The following ENOX1 variants were observed in gnomAD, a reference collection of about 807,000 sequenced individuals.
ENOX1 encodes ecto-NOX disulfide-thiol exchanger 1, also known as candidate growth-related and time keeping constitutive hydroquinone (NADH) oxidase.
A neutral mutation model predicts 82.5 loss-of-function variants in ENOX1; 42 were observed. The ratio of observed to expected loss-of-function variants is 0.51; its 90% confidence interval spans 0.40 to 0.66. The LOEUF (loss-of-function observed/expected upper bound fraction) is 0.66. ENOX1 is among the 30% of genes least tolerant of loss of function. The pLI is 0.00. For missense variants in ENOX1, 608 were observed against 811.6 expected (o/e 0.75, Z 3.05); for synonymous variants, 271 against 282.2 (o/e 0.96, Z 0.40).
chr13:43,737,810 T>C (rs921210076), intron 1 of ENOX1, among the ~76,000 whole-genome samples: 1 of 152,186 alleles, frequency 6.6e-6, no homozygotes, highest in Non-Finnish European at 1.5e-5. Flanking sequence ...AAAATACACA[T>C]ACAGCTAATT....
chr13:43,292,120 A>C (rs1426954393), intron 12 of ENOX1, among the ~76,000 whole-genome samples: 3 of 152,194 alleles, frequency 2.0e-5, no homozygotes. Context: ...CAATAGCTAA[A>C]CAACTAATCC....
chr13:43,516,373 A>C (rs1307400059), intron 2 of ENOX1, among the ~76,000 whole-genome samples: 2 of 152,058 alleles, frequency 1.3e-5, no homozygotes, highest in Admixed American at 1.3e-4. Context: ...TTTCAAGGAC[A>C]CTCCTGTTGC....
intron 3 of ENOX1, among the ~76,000 whole-genome samples, chr13:43,443,328 A>T (rs895572660): frequency 6.6e-5 from 10 of 152,244 alleles, no homozygotes; most frequent in African/African-American, 2.4e-4. Context: ...TCACATTAAA[A>T]ATAAGAACAT....
intron 15 of ENOX1, among the ~76,000 whole-genome samples, chr13:43,229,843 T>C (rs991715271): frequency 6.6e-6 from 1 of 152,172 alleles, no homozygotes. Context: ...GTGGGACTAT[T>C]TTCTCAGATG....
chr13:43,651,792 T>G (rs936946796), intron 2 of ENOX1, among the ~76,000 whole-genome samples: 2 of 149,878 alleles, frequency 1.3e-5, no homozygotes, highest in African/African-American at 2.5e-5. Flanking sequence ...CTGACCAACA[T>G]AGTAAAACCC....
intron 2 of ENOX1, among the ~76,000 whole-genome samples, chr13:43,580,321 G>GT (rs1011754462): frequency 2.6e-5 from 4 of 152,162 alleles, no homozygotes; most frequent in African/African-American, 7.2e-5. Flanking sequence ...GCCATTTGGG[G>GT]TTTTTTTGTA....
At chr13:43,309,754 T>A (rs964651663) in intron 11 of ENOX1, among the ~76,000 whole-genome samples, 24 of 152,180 alleles carry the variant, frequency 1.6e-4, no homozygotes, top group African/African-American at 5.8e-4. Flanking sequence ...GAAAGAGTTG[T>A]TCAGACATTT....
At chr13:43,348,166 G>A (rs1352586699) in intron 8 of ENOX1, among the ~76,000 whole-genome samples, 1 of 152,198 alleles carries the variant, frequency 6.6e-6, no homozygotes, top group African/African-American at 2.4e-5. Context: ...TCAAGATTCA[G>A]CGTAAGTGCC....
At chr13:43,304,290 C>T (rs533478506) in intron 11 of ENOX1, among the ~76,000 whole-genome samples, 4 of 152,280 alleles carry the variant, frequency 2.6e-5, no homozygotes, top group South Asian at 4.1e-4. Flanking sequence ...ACACAGTATC[C>T]TTTCACCATC....
intron 2 of ENOX1, among the ~76,000 whole-genome samples, chr13:43,509,959 A>C (rs2077305378): frequency 6.6e-6 from 1 of 151,928 alleles, no homozygotes; most frequent in African/African-American, 2.4e-5. Context: ...ATATTTACCC[A>C]TTTTTAGCAA....
chr13:43,408,491 C>A (rs574599853), intron 5 of ENOX1, among the ~76,000 whole-genome samples: 11 of 152,284 alleles, frequency 7.2e-5, no homozygotes, highest in African/African-American at 2.6e-4. Context: ...GAAGGTTACA[C>A]TAAATAATCT....
intron 2 of ENOX1, among the ~76,000 whole-genome samples, chr13:43,537,387 C>A (rs1455106165): frequency 6.6e-6 from 1 of 152,138 alleles, no homozygotes; most frequent in Non-Finnish European, 1.5e-5. Flanking sequence ...TAAGAGGCCT[C>A]ATTCACAGAA....
intron 5 of ENOX1, among the ~76,000 whole-genome samples, chr13:43,403,337 C>G (rs530350816): frequency 6.6e-6 from 1 of 152,210 alleles, no homozygotes; most frequent in East Asian, 1.9e-4. Flanking sequence ...TTATCTTATT[C>G]ATTCCATGGA....
At chr13:43,569,364 A>G (rs1283466176) in intron 2 of ENOX1, among the ~76,000 whole-genome samples, 1 of 152,208 alleles carries the variant, frequency 6.6e-6, no homozygotes, top group Non-Finnish European at 1.5e-5. Flanking sequence ...TAGGTAGGTA[A>G]GTAGAGATAG....
intron 2 of ENOX1, among the ~76,000 whole-genome samples, chr13:43,494,491 G>A (rs1422581697): frequency 6.6e-6 from 1 of 152,114 alleles, no homozygotes; most frequent in African/African-American, 2.4e-5. Context: ...GAAAATGACG[G>A]AACAGTCCCC....
intron 1 of ENOX1, among the ~76,000 whole-genome samples, chr13:43,753,437 A>G (rs906078503): frequency 1.3e-5 from 2 of 152,086 alleles, no homozygotes; most frequent in Admixed American, 1.3e-4. Flanking sequence ...TGTAAATGGC[A>G]TTTTTGTTTC....
chr13:43,409,040 C>CAAAAAAAAAAAA (rs11424006), intron 5 of ENOX1, among the ~76,000 whole-genome samples: 1 of 87,606 alleles, frequency 1.1e-5, no homozygotes, highest in Non-Finnish European at 2.7e-5. Flanking sequence ...AAATATAAAC[C>CAAAAAAAAAAAA]AAAAAAAAAA....
intron 2 of ENOX1, among the ~76,000 whole-genome samples, chr13:43,616,183 T>G (rs1158009906): frequency 2.0e-3 from 11 of 5,526 alleles, no homozygotes; most frequent in Admixed American, 3.0e-3. Flanking sequence ...TCTATCTATC[T>G]ATCTATATAT....
intron 1 of ENOX1, among the ~76,000 whole-genome samples, chr13:43,769,243 C>A (rs1249299720): frequency 6.6e-6 from 1 of 152,104 alleles, no homozygotes; most frequent in Non-Finnish European, 1.5e-5. Flanking sequence ...GAATCTTCTG[C>A]TAGGTTTCTA....
Sources: gnomAD v4.1 joint callset for allele counts (sites outside exome capture counted in the v4.1 genomes callset) on GRCh38, gnomAD v4.1.1 for gene constraint, MANE v1.5 for transcripts, NCBI Gene and HGNC (gene_info 2026-07-23, HGNC 2026-07-21) for gene names.